The following STX8 variants were observed in gnomAD, a reference collection of about 807,000 sequenced individuals.
STX8 encodes syntaxin 8, also known as syntaxin-8.
Under a neutral mutation model 37.5 loss-of-function variants are expected in STX8, and 23 were observed. The observed-to-expected ratio is 0.61, with a 90% CI of 0.44 to 0.87. The LOEUF is 0.87. Ranked by LOEUF, STX8 falls within the 40% of genes least tolerant of loss-of-function variation. STX8 has a pLI of 0.00. For missense variants in STX8, 313 were observed against 284.7 expected, an observed-to-expected ratio of 1.10 and a Z score of -0.71; for synonymous variants, 115 against 99.1, an observed-to-expected ratio of 1.16 and a Z score of -0.95.
At chr17:9,548,101 T>TTTA (rs936589587) in intron 3 of STX8, among the ~76,000 whole-genome samples, 4 of 151,392 alleles carry the variant, frequency 2.6e-5, no homozygotes, top group African/African-American at 4.9e-5. Flanking sequence ...ACATTCTTTC[T>TTTA]TTATTATTAT....
At chr17:9,328,742 A>G (rs1909860383) in intron 7 of STX8, among the ~76,000 whole-genome samples, 1 of 152,300 alleles carries the variant, frequency 6.6e-6, no homozygotes, top group Admixed American at 6.5e-5. Flanking sequence ...TCATTCCTTC[A>G]GACATGTAAT....
intron 6 of STX8, among the ~76,000 whole-genome samples, chr17:9,400,413 T>A (rs8077064): frequency 0.45 from 50,706 of 112,476 alleles, 9,306 homozygotes; most frequent in East Asian, 0.6. Context: ...TTATTTATTT[T>A]TTTTTTTTTG....
intron 6 of STX8, among the ~76,000 whole-genome samples, chr17:9,453,760 T>G (rs902270629): frequency 1.2e-4 from 19 of 152,188 alleles, no homozygotes; most frequent in African/African-American, 4.6e-4. Flanking sequence ...CTAAAAGTGC[T>G]GGGATTACAG....
chr17:9,308,721 CA>C (rs1171647976), intron 7 of STX8, among the ~76,000 whole-genome samples: 9,621 of 71,336 alleles, frequency 0.13, 911 homozygotes, highest in African/African-American at 0.37. Flanking sequence ...GAAACTCCGT[CA>C]AAAAAAAAAA....
At chr17:9,402,408 A>G (rs925129218) in intron 6 of STX8, among the ~76,000 whole-genome samples, 15 of 152,290 alleles carry the variant, frequency 9.8e-5, no homozygotes, top group Admixed American at 2.6e-4. Context: ...GGCGTGAGTC[A>G]CCGCACCCAG....
chr17:9,463,567 C>T (rs1905482385), intron 6 of STX8, among the ~76,000 whole-genome samples: 1 of 151,890 alleles, frequency 6.6e-6, no homozygotes, highest in East Asian at 1.9e-4. Flanking sequence ...GAGTTGGAGA[C>T]CAGCCAACTC....
At chr17:9,433,123 C>G (rs1914034887) in intron 6 of STX8, among the ~76,000 whole-genome samples, 1 of 152,178 alleles carries the variant, frequency 6.6e-6, no homozygotes, top group Admixed American at 6.5e-5. Flanking sequence ...CTCCCAAATG[C>G]TTTATAATCT....
chr17:9,348,001 T>C (rs1460716692), intron 7 of STX8, among the ~76,000 whole-genome samples: 1 of 152,206 alleles, frequency 6.6e-6, no homozygotes, highest in African/African-American at 2.4e-5. Flanking sequence ...TAATATTCCA[T>C]TGTATGGTGT....
rs201550065 is a variant in STX8, at chr17:9,274,744, C to CTTTTTTTTTT, written c.644-24100_644-24099insAAAAAAAAAA. ...AAAGTCTTCAAAAATACAACAATTT[C>CTTTTTTTTTT]TTTTTTCTTTTTTTTTTTTTTTTTT... On this transcript the variant is annotated intron_variant, in intron 7 of 7. Transcript: ENST00000306357. Among the ~76,000 whole-genome samples the CTTTTTTTTTT allele has an allele frequency of 6.7e-5, 6 of 88,902 alleles. 2 individuals are homozygous for CTTTTTTTTTT. Among genetic ancestry groups the CTTTTTTTTTT allele is most frequent in the Non-Finnish European group, 6.8e-5 (3 of 44,068 alleles). 58.3% of individuals were successfully genotyped at this position (88,902 alleles called of 152,430 possible).
At chr17:9,440,764 A>G (rs980821621) in intron 6 of STX8, among the ~76,000 whole-genome samples, 3 of 152,110 alleles carry the variant, frequency 2.0e-5, no homozygotes, top group Non-Finnish European at 2.9e-5. Flanking sequence ...ACCTAAGGTG[A>G]TCCACCCGCC....
At chr17:9,516,976 G>A (rs1255705580) in intron 4 of STX8, among the ~76,000 whole-genome samples, 2 of 152,144 alleles carry the variant, frequency 1.3e-5, no homozygotes, top group East Asian at 1.9e-4. Flanking sequence ...ACATTGGGGA[G>A]TAAGTGGGGA....
chr17:9,265,969 T>A (rs1231841237), intron 7 of STX8, among the ~76,000 whole-genome samples: 4 of 152,130 alleles, frequency 2.6e-5, no homozygotes, highest in Non-Finnish European at 5.9e-5. Context: ...ACACCCCCTT[T>A]CCCTCGAGTC....
At chr17:9,514,012 C>T in intron 4 of STX8, among the ~76,000 whole-genome samples, 1 of 152,012 alleles carries the variant, frequency 6.6e-6, no homozygotes, top group East Asian at 1.9e-4. Flanking sequence ...CAGAGCACAC[C>T]AGAAACTGGG....
At chr17:9,414,036 A>G (rs1260844753) in intron 6 of STX8, among the ~76,000 whole-genome samples, 1 of 122,312 alleles carries the variant, frequency 8.2e-6, no homozygotes, top group Admixed American at 8.1e-5. Context: ...CCATCCAACC[A>G]TCTATCTGCC....
intron 7 of STX8, among the ~76,000 whole-genome samples, chr17:9,341,340 A>C (rs372973729): frequency 6.6e-5 from 10 of 152,194 alleles, no homozygotes; most frequent in African/African-American, 2.2e-4. Flanking sequence ...CTTCTCTTCC[A>C]AAGATACATA....
At chr17:9,450,362 C>T (rs115560175) in intron 6 of STX8, among the ~76,000 whole-genome samples, 3,559 of 151,974 alleles carry the variant, frequency 0.023, 188 homozygotes, top group South Asian at 0.076. Context: ...AGGTGTGAGC[C>T]ACCACGCCTG....
At chr17:9,405,974 C>T (rs1158924943) in intron 6 of STX8, among the ~76,000 whole-genome samples, 1 of 152,142 alleles carries the variant, frequency 6.6e-6, no homozygotes, top group Non-Finnish European at 1.5e-5. Flanking sequence ...TATAGATATG[C>T]CTTTCTTATA....
chr17:9,485,311 G>A (rs959827124), intron 6 of STX8, among the ~76,000 whole-genome samples: 1 of 152,098 alleles, frequency 6.6e-6, no homozygotes, highest in Non-Finnish European at 1.5e-5. Flanking sequence ...TGACAGGACA[G>A]GACAGGACTC....
chr17:9,433,901 G>T (rs1914059670), intron 6 of STX8, among the ~76,000 whole-genome samples: 1 of 152,142 alleles, frequency 6.6e-6, no homozygotes, highest in Non-Finnish European at 1.5e-5. Flanking sequence ...TAAGCAAGGA[G>T]AACAGCACAG....
Sources: gnomAD v4.1 joint callset for allele counts (sites outside exome capture counted in the v4.1 genomes callset) on GRCh38, gnomAD v4.1.1 for gene constraint, MANE v1.5 for transcripts, NCBI Gene and HGNC (gene_info 2026-07-23, HGNC 2026-07-21) for gene names.